Variants in CDH12 observed in about 807,000 individuals in gnomAD.
CDH12 encodes the protein cadherin 12.
In CDH12, 41 loss-of-function variants were observed where a neutral mutation model predicts 74.1. The observed-to-expected ratio is 0.55, with a 90% confidence interval of 0.43 to 0.72. The LOEUF is 0.72. Ranked by LOEUF, CDH12 falls within the 30% of genes least tolerant of loss-of-function variation. CDH12 has a pLI of 0.00. For missense variants in CDH12, 945 were observed against 977.2 expected, an observed-to-expected ratio of 0.97 and a Z score of 0.44; for synonymous variants, 399 against 355.0, an observed-to-expected ratio of 1.12 and a Z score of -1.39.
At chr5:22,637,207 C>T (rs1007667639) in intron 1 of CDH12, among the ~76,000 whole-genome samples, 1 of 152,140 alleles carries the variant, frequency 6.6e-6, no homozygotes, top group Non-Finnish European at 1.5e-5. Flanking sequence ...AGCTTTTCAG[C>T]AATATTAAAA....
chr5:22,644,679 T>C (rs1431554282), intron 1 of CDH12, among the ~76,000 whole-genome samples: 2 of 151,764 alleles, frequency 1.3e-5, no homozygotes, highest in Admixed American at 6.6e-5. Context: ...TGACAGATTT[T>C]CAATGTAGAT....
At chr5:22,175,716 C>A (rs1195934515) in intron 4 of CDH12, among the ~76,000 whole-genome samples, 1 of 152,118 alleles carries the variant, frequency 6.6e-6, no homozygotes, top group Non-Finnish European at 1.5e-5. Context: ...AGCGTGAATG[C>A]TGATGGCAGA....
chr5:22,618,839 G>A (rs886756273), intron 1 of CDH12, among the ~76,000 whole-genome samples: 1 of 151,926 alleles, frequency 6.6e-6, no homozygotes, highest in African/African-American at 2.4e-5. Context: ...TTTCCATGCT[G>A]CTCTCATGAT....
At chr5:22,185,369 T>C (rs373308648) in intron 4 of CDH12, among the ~76,000 whole-genome samples, 126 of 152,242 alleles carry the variant, frequency 8.3e-4, no homozygotes, top group Middle Eastern at 3.4e-3. Context: ...TGGCTAATTT[T>C]TTTTATTTAC....
chr5:22,046,347 A>T (rs1739949452), intron 5 of CDH12, among the ~76,000 whole-genome samples: 1 of 152,084 alleles, frequency 6.6e-6, no homozygotes, highest in African/African-American at 2.4e-5. Context: ...CCTGAATTTT[A>T]ATCCAAAGAT....
intron 1 of CDH12, among the ~76,000 whole-genome samples, chr5:22,842,173 C>T (rs879366071): frequency 6.6e-6 from 1 of 152,086 alleles, no homozygotes; most frequent in Non-Finnish European, 1.5e-5. Context: ...TTAGTCATGA[C>T]TGGGACTAAA....
chr5:22,484,346 G>T (rs1479301876), intron 2 of CDH12, among the ~76,000 whole-genome samples: 1 of 152,132 alleles, frequency 6.6e-6, no homozygotes, highest in Non-Finnish European at 1.5e-5. Flanking sequence ...GGAAGACAAC[G>T]ATTTTGAGGG....
At chr5:22,218,050 A>G (rs1021142479) in intron 3 of CDH12, among the ~76,000 whole-genome samples, 2 of 151,702 alleles carry the variant, frequency 1.3e-5, no homozygotes, top group African/African-American at 4.8e-5. Flanking sequence ...CTAAATACCT[A>G]TTAGAATAGT....
chr5:22,088,447 A>G (rs1340642759), intron 4 of CDH12, among the ~76,000 whole-genome samples: 1 of 152,076 alleles, frequency 6.6e-6, no homozygotes, highest in African/African-American at 2.4e-5. Context: ...CAGAAATTCC[A>G]CATTCGTAGG....
At chr5:22,393,546 C>A (rs1029168810) in intron 3 of CDH12, among the ~76,000 whole-genome samples, 1 of 152,084 alleles carries the variant, frequency 6.6e-6, no homozygotes, top group African/African-American at 2.4e-5. Flanking sequence ...ACAACAAATA[C>A]TGAAAAAATA....
intron 1 of CDH12, among the ~76,000 whole-genome samples, chr5:22,521,976 CCAA>C (rs1395797856): frequency 1.3e-5 from 2 of 152,146 alleles, no homozygotes; most frequent in Non-Finnish European, 2.9e-5. Context: ...TATTTATATT[CCAA>C]CATTGCCTGT....
chr5:22,836,223 CTTT>C (rs61616737), intron 1 of CDH12, among the ~76,000 whole-genome samples: 3 of 65,506 alleles, frequency 4.6e-5, no homozygotes, highest in Admixed American at 5.8e-4. Context: ...CTTTCTTTCT[CTTT>C]TTTTTTTTTT....
At chr5:21,931,682 A>G (rs537861477) in intron 6 of CDH12, among the ~76,000 whole-genome samples, 30 of 152,316 alleles carry the variant, frequency 2.0e-4, no homozygotes, top group African/African-American at 5.8e-4. Context: ...CTTAAATCCA[A>G]TTTTTAAAAT....
chr5:21,853,116 A>T (rs1465203849), intron 7 of CDH12, among the ~76,000 whole-genome samples: 1 of 151,540 alleles, frequency 6.6e-6, no homozygotes, highest in African/African-American at 2.4e-5. Context: ...ACAAAAATAT[A>T]TATAAGATTT....
chr5:21,889,543 G>C, intron 6 of CDH12: 1 of 970,694 alleles, frequency 1.0e-6, no homozygotes, highest in Non-Finnish European at 1.2e-6. Flanking sequence ...CTAGACTCCT[G>C]AAGCTGTTTT....
intron 1 of CDH12, among the ~76,000 whole-genome samples, chr5:22,731,876 C>T (rs192371571): frequency 1.6e-4 from 25 of 151,924 alleles, no homozygotes; most frequent in African/African-American, 5.5e-4. Flanking sequence ...ATTAAAATTG[C>T]ATAGTTGAAT....
intron 1 of CDH12, among the ~76,000 whole-genome samples, chr5:22,742,014 C>G (rs1370269410): frequency 1.3e-5 from 2 of 152,044 alleles, no homozygotes; most frequent in Non-Finnish European, 2.9e-5. Flanking sequence ...AACCCTGTCT[C>G]TACTAAAAAT....
chr5:22,240,396 G>A (rs1752705544), intron 3 of CDH12, among the ~76,000 whole-genome samples: 2 of 152,112 alleles, frequency 1.3e-5, no homozygotes, highest in Admixed American at 1.3e-4. Flanking sequence ...CCAGGCATGC[G>A]AGAAAGGAGG....
At chr5:22,777,122 TATGAGC>T (rs1466401369) in intron 1 of CDH12, among the ~76,000 whole-genome samples, 4 of 152,044 alleles carry the variant, frequency 2.6e-5, no homozygotes, top group Non-Finnish European at 5.9e-5. Flanking sequence ...GCTAGATAGC[TATGAGC>T]TACCCCACTA....
Sources: gnomAD v4.1 joint callset for allele counts (sites outside exome capture counted in the v4.1 genomes callset) on GRCh38, gnomAD v4.1.1 for gene constraint, MANE v1.5 for transcripts, NCBI Gene and HGNC (gene_info 2026-07-23, HGNC 2026-07-21) for gene names.